Variants in SIL1 observed in about 807,000 individuals in gnomAD.
SIL1 encodes nucleotide exchange factor SIL1.
In SIL1, 40 loss-of-function variants were observed where a neutral mutation model predicts 49.1. The observed-to-expected ratio is 0.81, with a 90% confidence interval of 0.63 to 1.06. The LOEUF (loss-of-function observed/expected upper bound fraction) is 1.06, where lower values mean the gene tolerates loss of function less well. SIL1 is among the 50% of genes least tolerant of loss of function. The probability of loss-of-function intolerance (pLI) is 0.00; values close to 1 mark genes in which losing one functional copy is unlikely to be tolerated. For synonymous variants in SIL1, 253 were observed against 250.8 expected, an observed-to-expected ratio of 1.01 and a Z score of -0.08; for missense variants, 500 against 572.6, an observed-to-expected ratio of 0.87 and a Z score of 1.29.
chr5:139,112,625 G>A (rs940022677), intron 3 of SIL1, among the ~76,000 whole-genome samples: 2 of 150,292 alleles, frequency 1.3e-5, no homozygotes, highest in African/African-American at 4.9e-5. Flanking sequence ...ACCCCTCCGG[G>A]AGGGAGGTGG....
In SIL1 at chr5:139,142,766, CTTAT is replaced by C. The variant is rs112356249; in HGVS notation, c.-10-14917_-10-14914del. Among the ~76,000 whole-genome samples the C allele has an allele frequency of 4.7e-3, 717 of 151,820 alleles. 1 individual carries two copies. The highest frequency in any genetic ancestry group is 0.016 in the African/African-American group (674 of 41,396). ...ATACCCACTTTCACCACCTCTTTTACTTATTTATTTATTTTTTTTTGAGATAGAG... is the reference window on the plus strand; with the variant it reads ...ATACCCACTTTCACCACCTCTTTTACTTATTTATTTTTTTTTGAGATAGAG... On this transcript the variant is annotated intron_variant, in intron 1 of 9. Coordinates refer to ENST00000394817, the MANE Select transcript of SIL1 (RefSeq NM_022464.5).
intron 7 of SIL1, among the ~76,000 whole-genome samples, chr5:138,996,118 T>C (rs1200698030): frequency 2.0e-5 from 3 of 152,234 alleles, no homozygotes; most frequent in African/African-American, 7.2e-5. Flanking sequence ...TCATACAGTT[T>C]TCCAAAGTGG....
intron 1 of SIL1, chr5:139,187,775 T>C (rs985624692): frequency 6.6e-5 from 10 of 152,368 alleles, no homozygotes; most frequent in Admixed American, 3.9e-4. Flanking sequence ...GCTTCTGATA[T>C]GGTTTGAATT....
chr5:139,110,945 C>T (rs1038244320), intron 3 of SIL1, among the ~76,000 whole-genome samples: 1 of 152,236 alleles, frequency 6.6e-6, no homozygotes, highest in Non-Finnish European at 1.5e-5. Context: ...ATCTGCCTAT[C>T]ATTCCTCAGA....
chr5:139,134,664 C>T (rs765617008), intron 1 of SIL1, among the ~76,000 whole-genome samples: 82 of 152,226 alleles, frequency 5.4e-4, no homozygotes, highest in Middle Eastern at 3.4e-3. Flanking sequence ...TGGAGAAACC[C>T]GAGGCAGTTT....
intron 1 of SIL1, among the ~76,000 whole-genome samples, chr5:139,187,119 T>C (rs925476669): frequency 6.6e-5 from 10 of 152,168 alleles, no homozygotes; most frequent in Non-Finnish European, 1.5e-4. Context: ...ACAAACATCA[T>C]ACCATAATAA....
At chr5:138,951,371 A>C in intron 8 of SIL1, 36 bp from the exon 9 acceptor site, 6 of 1,549,528 alleles carry the variant, frequency 3.9e-6, no homozygotes, top group Non-Finnish European at 5.2e-6. Context: ...TGAGGGGCCA[A>C]GCGAGCTGGA....
intron 3 of SIL1, among the ~76,000 whole-genome samples, chr5:139,076,414 A>C (rs1469899798): frequency 6.6e-6 from 1 of 152,242 alleles, no homozygotes; most frequent in Non-Finnish European, 1.5e-5. Context: ...AAACAAATGG[A>C]AAACAGAATA....
chr5:138,957,889 AC>A (rs981313759), intron 7 of SIL1, among the ~76,000 whole-genome samples: 3 of 145,970 alleles, frequency 2.1e-5, no homozygotes, highest in Non-Finnish European at 4.6e-5. Context: ...AATAGTCCTT[AC>A]CCCCCACTCT....
At chr5:138,953,746 C>T (rs1315229901) in intron 7 of SIL1, among the ~76,000 whole-genome samples, 1 of 152,238 alleles carries the variant, frequency 6.6e-6, no homozygotes, top group Non-Finnish European at 1.5e-5. Flanking sequence ...TTAGGGCTGT[C>T]TCTGCCATCA....
chr5:139,110,981 T>C (rs1770826770), intron 3 of SIL1, among the ~76,000 whole-genome samples: 1 of 152,230 alleles, frequency 6.6e-6, no homozygotes, highest in Non-Finnish European at 1.5e-5. Flanking sequence ...TGTCCACCTA[T>C]GTATGCACTG....
chr5:139,036,039 T>A (rs1401352857), intron 5 of SIL1: 1 of 152,108 alleles, frequency 6.6e-6, no homozygotes, highest in Non-Finnish European at 1.5e-5. Flanking sequence ...TTTGTTCAAG[T>A]TTCTTACAGA....
intron 3 of SIL1, among the ~76,000 whole-genome samples, chr5:139,109,037 T>C (rs1304353161): frequency 6.6e-6 from 1 of 152,266 alleles, no homozygotes; most frequent in Non-Finnish European, 1.5e-5. Context: ...ACTTTTCTTC[T>C]GCTCTTCACC....
At chr5:138,992,419 A>G (rs1352159451) in intron 7 of SIL1, among the ~76,000 whole-genome samples, 2 of 152,206 alleles carry the variant, frequency 1.3e-5, no homozygotes, top group African/African-American at 4.8e-5. Context: ...TGTGAAGCCA[A>G]AATCCTACCC....
chr5:139,090,673 A>G (rs1209736772), intron 3 of SIL1, among the ~76,000 whole-genome samples: 1 of 152,128 alleles, frequency 6.6e-6, no homozygotes, highest in African/African-American at 2.4e-5. Context: ...GTGCAGTAGT[A>G]TGATCACTGC....
chr5:139,039,840 A>C (rs1416509492), intron 5 of SIL1, among the ~76,000 whole-genome samples: 1 of 152,242 alleles, frequency 6.6e-6, no homozygotes, highest in African/African-American at 2.4e-5. Flanking sequence ...AGCATCAAGC[A>C]ATTTGTATGG....
At chr5:139,084,379 C>T (rs1321324046) in intron 3 of SIL1, among the ~76,000 whole-genome samples, 5 of 119,268 alleles carry the variant, frequency 4.2e-5, no homozygotes, top group Admixed American at 9.2e-5. Context: ...GACTTGGAAC[C>T]AACCCAAATG....
At chr5:139,029,891 C>A (rs1768748680) in intron 5 of SIL1, among the ~76,000 whole-genome samples, 1 of 151,634 alleles carries the variant, frequency 6.6e-6, no homozygotes, top group Non-Finnish European at 1.5e-5. Context: ...GTGGGAGGAT[C>A]ACTTGAGTCC....
intron 1 of SIL1, among the ~76,000 whole-genome samples, chr5:139,173,618 G>A (rs1163240923): frequency 2.6e-5 from 4 of 151,524 alleles, no homozygotes. Flanking sequence ...CAATACTAAA[G>A]GAGAAATTTA....
Sources: allele counts gnomAD v4.1 joint callset (sites outside exome capture counted in the v4.1 genomes callset), GRCh38; gene constraint gnomAD v4.1.1; transcripts MANE v1.5; gene names NCBI Gene and HGNC (gene_info 2026-07-23, HGNC 2026-07-21).